Variants in LILRB1 observed in about 807,000 individuals in gnomAD.
LILRB1 encodes the protein leukocyte immunoglobulin-like receptor subfamily B member 1.
LILRB1 carries 59 observed loss-of-function variants against 74.6 expected under a neutral mutation model. The observed-to-expected ratio is 0.79, with a 90% CI of 0.64 to 0.98. The LOEUF (loss-of-function observed/expected upper bound fraction) is 0.98. Ranked by LOEUF, LILRB1 falls within the 50% of genes least tolerant of loss-of-function variation. The probability of loss-of-function intolerance (pLI) is 0.00; values close to 1 mark genes in which losing one functional copy is unlikely to be tolerated. For synonymous variants in LILRB1, 328 were observed against 333.9 expected (o/e 0.98, Z 0.19); for missense variants, 804 against 822.6 (o/e 0.98, Z 0.28).
At position 54,635,787 on chromosome 19, in the gene LILRB1, G is replaced by A. The variant is rs534010204; in HGVS notation, c.1653+178G>A. 6.0e-4 allele frequency: 479 copies of A among 801,864 alleles called. 3 individuals are homozygous for A. The highest frequency in any genetic ancestry group is 2.9e-3 in the African/African-American group (173 of 59,138). The allele number at this position is 801,864 out of a possible 1,614,324, so 49.7% of individuals were successfully genotyped here. ...CTCTCTCCTGCTGTCCTGGGACCTC[G>A]TGGGCCTCCTCCCGGGTCCCCTTCC... is the stretch of plus-strand genomic sequence containing the variant. On this transcript the variant is annotated intron_variant, in intron 13 of 14. Coordinates refer to ENST00000324602, the MANE Select transcript of LILRB1 (RefSeq NM_001081637.3).
At chr19:54,625,377 G>T (rs141170635) in intron 1 of LILRB1, among the ~76,000 whole-genome samples, 3 of 151,890 alleles carry the variant, frequency 2.0e-5, no homozygotes, top group African/African-American at 7.2e-5. Context: ...CTCCCTCCCT[G>T]CTAAGGCAGT....
At position 54,630,531 on chromosome 19, in the gene LILRB1, C is replaced by A; in HGVS notation, c.-151C>A. 1.9e-6 allele frequency: 1 copy of A among 535,772 alleles called. No individual in the cohort carries two copies. The highest frequency in any genetic ancestry group is 3.5e-6 in the Non-Finnish European group (1 of 287,164). The allele number at this position is 535,772 out of a possible 1,614,324, so 33.2% of individuals were successfully genotyped here. A position where few individuals can be genotyped will look rare whatever the true frequency, so the allele number is the denominator to read the frequency against. On this transcript the variant is annotated 5_prime_UTR_variant, in exon 1 of 15. Transcript: ENST00000324602. ...GCCACACGCAGCTCAGCCTGGGCGGCACAGCCAGATGCGAGATGCGTCTCT... is the reference window on the plus strand; with the variant it reads ...GCCACACGCAGCTCAGCCTGGGCGGAACAGCCAGATGCGAGATGCGTCTCT...
At chr19:54,634,187 G>T (rs2064180086) in intron 9 of LILRB1, 166 bp downstream of exon 9, 1 of 1,503,956 alleles carries the variant, frequency 6.6e-7, no homozygotes, top group South Asian at 1.3e-5. Flanking sequence ...GGGTGGGAAA[G>T]TTCCTTTCAG....
At position 54,631,689 on chromosome 19, in the gene LILRB1, C is replaced by A; in HGVS notation, c.260C>A (p.Ser87Tyr). The part of the protein sequence containing the change: ...LVKKGQFPIP[S>Y]ITWEHTGRYR... ...AAGAAGGGCCAGTTCCCCATCCCAT[C>A]CATCACCTGGGAACACACAGGGCGG... is the stretch of plus-strand genomic sequence containing the variant. The change falls in exon 4 of 15, where the codon TCC becomes TAC. Residue 87 changes from serine (S) to tyrosine (Y), a missense_variant. By Grantham distance (144) the Ser-to-Tyr change is moderately radical. Coordinates refer to ENST00000324602, the MANE Select transcript of LILRB1 (RefSeq NM_001081637.3). The A allele has an allele frequency of 6.2e-7, 1 of 1,614,278 alleles. No homozygotes were observed. Among genetic ancestry groups the A allele is most frequent in the Non-Finnish European group, 8.5e-7 (1 of 1,180,036 alleles).
At chr19:54,636,453 A>G (rs1299361372) in intron 13 of LILRB1, 41 bp from the exon 14 acceptor site, 2 of 1,605,844 alleles carry the variant, frequency 1.2e-6, no homozygotes, top group East Asian at 4.5e-5. Context: ...CCAGGGGGTC[A>G]GGAGGATTCA....
chr19:54,616,892 C>A (rs534784358), upstream of LILRB1, among the ~76,000 whole-genome samples: 15 of 152,162 alleles, frequency 9.9e-5, no homozygotes, highest in African/African-American at 3.1e-4. Context: ...TGGATGGACC[C>A]CATCGTGATG....
upstream of LILRB1, among the ~76,000 whole-genome samples, chr19:54,616,883 G>A (rs2063323396): frequency 6.6e-6 from 1 of 152,152 alleles, no homozygotes; most frequent in Non-Finnish European, 1.5e-5. Context: ...GTCTGGGGGT[G>A]GATGGACCCC....
chr19:54,624,497 G>A (rs556996835), intron 1 of LILRB1, among the ~76,000 whole-genome samples: 17 of 152,220 alleles, frequency 1.1e-4, no homozygotes, highest in Admixed American at 5.2e-4. Context: ...GTTGTCTGAC[G>A]TGGTAGCTGC....
At chr19:54,634,538 G>A in intron 9 of LILRB1, 103 bp from the exon 10 acceptor site, 1 of 1,520,644 alleles carries the variant, frequency 6.6e-7, no homozygotes, top group Admixed American at 2.0e-5. Flanking sequence ...CACGACTGTT[G>A]TGGGGGTTGG....
intron 1 of LILRB1, among the ~76,000 whole-genome samples, chr19:54,624,701 C>T (rs2063534950): frequency 6.6e-6 from 1 of 152,122 alleles, no homozygotes; most frequent in Admixed American, 6.5e-5. Flanking sequence ...TGTGTGAGTC[C>T]TGAAGGGGCT....
chr19:54,625,898 C>G (rs2063573389), upstream of LILRB1, among the ~76,000 whole-genome samples: 1 of 151,274 alleles, frequency 6.6e-6, no homozygotes, highest in Non-Finnish European at 1.5e-5. Context: ...CACTCACTCA[C>G]CCCTTCCCCG....
At position 54,636,634 on chromosome 19, in the gene LILRB1, C is replaced by T. The variant is rs375420449; in HGVS notation, c.1794C>T (p.Asp598=). The T allele has an allele frequency of 6.2e-7, 1 of 1,610,858 alleles. No homozygotes were observed. The highest frequency in any genetic ancestry group is 8.5e-7 in the Non-Finnish European group (1 of 1,178,944). Residue 598 remains aspartate (D), a synonymous_variant, in exon 14 of 15, where the codon GAC becomes GAT. Coordinates refer to ENST00000324602, the MANE Select transcript of LILRB1 (RefSeq NM_001081637.3). ...LDTKDRQAEE[D]RQMDTEAAAS... is the part of the protein sequence containing the mutation. ...CAAAGGACAGACAGGCGGAAGAGGACAGGCAGATGGACACTGAGGTGAGTC... is the reference window on the plus strand; with the variant it reads ...CAAAGGACAGACAGGCGGAAGAGGATAGGCAGATGGACACTGAGGTGAGTC...
At chr19:54,629,238 G>A (rs1263440191), upstream of LILRB1, among the ~76,000 whole-genome samples, 1 of 151,772 alleles carries the variant, frequency 6.6e-6, no homozygotes, top group African/African-American at 2.4e-5. Context: ...ACAATGTCGG[G>A]GCTGGAGTAC....
rs1031731994 is a variant in LILRB1 at position 54,633,899 on chromosome 19, C to T, written c.1313-72C>T. 66 of 1,539,596 alleles carry T rather than the reference C, an allele frequency of 4.3e-5. 1 individual carries two copies. In the South Asian group the frequency reaches 7.3e-4, roughly 17 times the overall value. On this transcript the variant is annotated intron_variant, in intron 8 of 14. Coordinates refer to ENST00000324602, the MANE Select transcript of LILRB1 (RefSeq NM_001081637.3). ...GCAGAGAGAAATGTTGGGGCCCAGCCTGGGGGAGGAGCAGCCGGGCTGATG... is the reference window on the plus strand; with the variant it reads ...GCAGAGAGAAATGTTGGGGCCCAGCTTGGGGGAGGAGCAGCCGGGCTGATG...
chr19:54,633,148 A>G lies in LILRB1; in HGVS notation c.1091A>G (p.Asp364Gly). 6.2e-7 allele frequency: 1 copy of G among 1,614,228 alleles called. No homozygotes were observed. The highest frequency in any genetic ancestry group is 8.5e-7 in the Non-Finnish European group (1 of 1,180,018). ...TFLLTKEGAA[D>G]DPWRLRSTYQ... ...CTTCTGACCAAGGAGGGGGCAGCTGATGACCCATGGCGTCTAAGATCAACG... is the reference window on the plus strand; with the variant it reads ...CTTCTGACCAAGGAGGGGGCAGCTGGTGACCCATGGCGTCTAAGATCAACG... Residue 364 changes from aspartate to glycine, a missense_variant, in exon 7 of 15, where the codon GAT becomes GGT. By Grantham distance (94) the Asp-to-Gly change is moderately conservative (BLOSUM62 -1). Coordinates refer to ENST00000324602, the MANE Select transcript of LILRB1 (RefSeq NM_001081637.3).
In LILRB1 at chr19:54,631,988, G is replaced by A; in HGVS notation, c.412G>A (p.Gly138Arg). ...SAQPSPVVNSGGNVTLQCDSQ... is the reference protein window; with the variant it reads ...SAQPSPVVNSRGNVTLQCDSQ... ...CCAGCCCAGCCCCGTGGTGAACTCAGGAGGGAATGTAACCCTCCAGTGTGA... is the reference window on the plus strand; with the variant it reads ...CCAGCCCAGCCCCGTGGTGAACTCAAGAGGGAATGTAACCCTCCAGTGTGA... The change falls in exon 5 of 15, where the codon GGA becomes AGA. Residue 138 changes from glycine (G) to arginine (R), a missense_variant. Transcript: ENST00000324602. The A allele has an allele frequency of 6.2e-7, 1 of 1,614,164 alleles. No individual in the cohort carries two copies. The highest frequency in any genetic ancestry group is 1.3e-5 in the African/African-American group (1 of 75,078).
chr19:54,627,306 A>G (rs2063619954), upstream of LILRB1, among the ~76,000 whole-genome samples: 1 of 152,146 alleles, frequency 6.6e-6, no homozygotes, highest in South Asian at 2.1e-4. Context: ...AAATTCCTGA[A>G]ACTCTCAGGT....
intron 10 of LILRB1, 91 bp from the exon 11 acceptor site, chr19:54,635,013 T>A: frequency 3.8e-6 from 5 of 1,326,178 alleles, no homozygotes; most frequent in Non-Finnish European, 5.0e-6. Flanking sequence ...GCAGGAGTGT[T>A]TTTAGGTTTC....
chr19:54,618,521 T>C (rs557123087), intron 1 of LILRB1, among the ~76,000 whole-genome samples: 53 of 152,300 alleles, frequency 3.5e-4, no homozygotes, highest in African/African-American at 1.2e-3. Context: ...TATAAAACTA[T>C]AAACCTGGCC....
Sources: gnomAD v4.1 joint callset for allele counts (sites outside exome capture counted in the v4.1 genomes callset) on GRCh38, gnomAD v4.1.1 for gene constraint, MANE v1.5 for transcripts, NCBI Gene and HGNC (gene_info 2026-07-23, HGNC 2026-07-21) for gene names.